LAMA1: variants seen among roughly 807,000 people sequenced by gnomAD.
The protein encoded by LAMA1 is laminin subunit alpha 1.
Under a neutral mutation model 348.7 loss-of-function variants are expected in LAMA1, and 219 were observed. The observed-to-expected ratio is 0.63, with a 90% confidence interval of 0.56 to 0.70. LAMA1 has a LOEUF of 0.70. LAMA1 is among the 30% of genes least tolerant of loss of function. The probability of loss-of-function intolerance (pLI) is 0.00; values close to 1 mark genes in which losing one functional copy is unlikely to be tolerated. For missense variants in LAMA1, 3,744 were observed against 3,888.0 expected, an observed-to-expected ratio of 0.96 and a Z score of 0.99; for synonymous variants, 1,487 against 1,491.0, an observed-to-expected ratio of 1.00 and a Z score of 0.06.
chr18:6,966,212 T>C lies in LAMA1; in HGVS notation c.6985A>G (p.Ile2329Val). The C allele has an allele frequency of 6.2e-7, 1 of 1,614,020 alleles. No individual in the cohort carries two copies. Among genetic ancestry groups the C allele is most frequent in the Non-Finnish European group, 8.5e-7 (1 of 1,179,986 alleles). ...GAAAAGGTATTAAAAAGCATGATTA[T>C]CTGGGTCACGGTAGCCGGAAGTGAC... ...EKSLPATVTQ[I>V]IMLFNTFSPN... Residue 2329 changes from isoleucine (I) to valine (V), a missense_variant, in exon 49 of 63, where the codon ATA (isoleucine) becomes GTA (valine). Physicochemically the swap from Ile to Val is conservative, Grantham distance 29 (BLOSUM62 3). This residue lies in a region of LAMA1 where 1,983 missense variants were observed against 1,934.3 expected (regional missense o/e 1.03). Coordinates refer to ENST00000389658, the MANE Select transcript of LAMA1 (RefSeq NM_005559.4).
chr18:6,952,629 G>A (rs1027153522), intron 57 of LAMA1, among the ~76,000 whole-genome samples: 3 of 152,364 alleles, frequency 2.0e-5, no homozygotes. Context: ...TAAATGGGAA[G>A]TTCTGGAAAT....
intron 1 of LAMA1, among the ~76,000 whole-genome samples, chr18:7,093,999 TCTC>T (rs1341274249): frequency 6.3e-4 from 96 of 151,994 alleles, no homozygotes; most frequent in African/African-American, 2.3e-3. Flanking sequence ...CTTGTCTCAA[TCTC>T]CTAAGCTCAG....
chr18:7,106,862 A>G (rs2058313909), intron 1 of LAMA1, among the ~76,000 whole-genome samples: 2 of 152,008 alleles, frequency 1.3e-5, no homozygotes, highest in African/African-American at 4.8e-5. Flanking sequence ...TCTCCATGGA[A>G]GAAAGGAAGC....
At chr18:7,086,120 A>AG (rs757190668) in intron 1 of LAMA1, among the ~76,000 whole-genome samples, 65 of 152,318 alleles carry the variant, frequency 4.3e-4, no homozygotes, top group Non-Finnish European at 6.9e-4. Flanking sequence ...AGCACCTCTT[A>AG]GGTGTGCAGC....
At chr18:7,116,247 A>G (rs113642204) in intron 1 of LAMA1, among the ~76,000 whole-genome samples, 4 of 152,314 alleles carry the variant, frequency 2.6e-5, no homozygotes, top group African/African-American at 9.6e-5. Context: ...TCGGGGAACA[A>G]TAAGCTGAGG....
chr18:7,046,062 T>TA (rs1181469701), intron 6 of LAMA1, among the ~76,000 whole-genome samples: 1 of 151,966 alleles, frequency 6.6e-6, no homozygotes, highest in Non-Finnish European at 1.5e-5. Context: ...TTTTATCACA[T>TA]AAAAAAATCA....
chr18:6,952,171 G>A (rs1044926380), intron 57 of LAMA1, among the ~76,000 whole-genome samples: 1 of 152,210 alleles, frequency 6.6e-6, no homozygotes, highest in African/African-American at 2.4e-5. Flanking sequence ...GAAGGGCCCA[G>A]CACTCTCAGC....
intron 34 of LAMA1, 40 bp downstream of exon 34, chr18:6,995,317 G>T: frequency 7.2e-7 from 1 of 1,380,652 alleles, no homozygotes; most frequent in Non-Finnish European, 1.0e-6. Flanking sequence ...CTGATGGGAG[G>T]GACCAGGAGG....
In LAMA1 at chr18:6,975,982, T is replaced by C. The variant is rs370004150; in HGVS notation, c.6444A>G (p.Thr2148=). 6 of 1,614,196 alleles carry C rather than the reference T, an allele frequency of 3.7e-6. No individual in the cohort carries two copies. In the East Asian group the frequency reaches 1.3e-4, roughly 36 times the overall value. ...NYNTLTLNVK[T]QEPDNLLFYL... The stretch of plus-strand genomic sequence containing the variant: ...AGAAGAGAAGATTATCGGGTTCCTG[T>C]GTCTTAACATTTAGTGTTAAGGTAT... The change falls in exon 45 of 63, where the codon ACA becomes ACG. Residue 2148 remains threonine, a synonymous_variant. Coordinates refer to ENST00000389658, the MANE Select transcript of LAMA1 (RefSeq NM_005559.4).
rs375358860 is a variant in LAMA1, at chr18:6,982,554, C to G, written c.5833G>C (p.Val1945Leu). The G allele has an allele frequency of 5.6e-6, 9 of 1,614,022 alleles. No individual in the cohort carries two copies. In the Admixed American group the frequency reaches 1.0e-4, roughly 18 times the overall value. The change falls in exon 41 of 63, where the codon GTG becomes CTG. Residue 1945 changes from valine to leucine, a missense_variant. This residue lies in a region of LAMA1 where 1,983 missense variants were observed against 1,934.3 expected (regional missense o/e 1.03). Coordinates refer to ENST00000389658, the MANE Select transcript of LAMA1 (RefSeq NM_005559.4). ...ESLVSNGKAAVQRSSRFLKEG... is the reference protein window; with the variant it reads ...ESLVSNGKAALQRSSRFLKEG... ...TTTAGAAATCTGGAGCTGCGCTGCA[C>G]GGCCGCTTTCCCGTTAGAAACAAGG...
intron 3 of LAMA1, among the ~76,000 whole-genome samples, chr18:7,053,807 G>T (rs1227005436): frequency 2.1e-5 from 3 of 143,138 alleles, no homozygotes; most frequent in African/African-American, 8.6e-5. Context: ...TTGAGACAAG[G>T]TCTCACTCTG....
At position 6,956,715 on chromosome 18, in the gene LAMA1, G is replaced by A. The variant is rs377109532; in HGVS notation, c.8015C>T (p.Thr2672Ile). 4.0e-5 allele frequency: 65 copies of A among 1,614,080 alleles called. No individual in the cohort carries two copies. The highest frequency in any genetic ancestry group is 4.8e-5 in the Non-Finnish European group (57 of 1,180,048). Residue 2672 changes from threonine to isoleucine, a missense_variant, in exon 56 of 63, where the codon ACC becomes ATC. Coordinates refer to ENST00000389658, the MANE Select transcript of LAMA1 (RefSeq NM_005559.4). ...AVGHEQVDLDTCWLSERPKLA... is the reference protein window; with the variant it reads ...AVGHEQVDLDICWLSERPKLA... ...CTTAGGCCTTTCTGACAGCCAGCAG[G>A]TGTCCAGGTCGACTTGCTCATGGCC...
At chr18:6,977,231 G>A (rs1172819345) in intron 44 of LAMA1, among the ~76,000 whole-genome samples, 1 of 152,210 alleles carries the variant, frequency 6.6e-6, no homozygotes, top group Non-Finnish European at 1.5e-5. Context: ...CAGGCATTTA[G>A]TGACCTGGAT....
intron 3 of LAMA1, among the ~76,000 whole-genome samples, chr18:7,068,846 G>A (rs2058134159): frequency 6.7e-6 from 1 of 150,338 alleles, no homozygotes; most frequent in African/African-American, 2.4e-5. Flanking sequence ...ATTTTTCAAA[G>A]AAATATCTCT....
chr18:7,008,002 G>A (rs1270673224), intron 28 of LAMA1, among the ~76,000 whole-genome samples: 2 of 151,794 alleles, frequency 1.3e-5, no homozygotes, highest in East Asian at 1.9e-4. Context: ...GCACGATCTC[G>A]GCTCACTGCA....
chr18:7,023,135 C>T, intron 19 of LAMA1, 29 bp downstream of exon 19: 1 of 1,600,176 alleles, frequency 6.2e-7, no homozygotes, highest in African/African-American at 1.3e-5. Context: ...CAATAAACAG[C>T]TGACCTGACT....
intron 60 of LAMA1, among the ~76,000 whole-genome samples, chr18:6,947,705 A>G (rs1419815948): frequency 6.6e-6 from 1 of 152,142 alleles, no homozygotes; most frequent in Non-Finnish European, 1.5e-5. Flanking sequence ...GGGAATCATC[A>G]TTTACTGAGT....
intron 54 of LAMA1, 39 bp from the exon 55 acceptor site, chr18:6,958,701 A>G: frequency 1.3e-6 from 2 of 1,519,068 alleles, no homozygotes; most frequent in African/African-American, 1.4e-5. Context: ...AAAGCTTTAA[A>G]CATAATGAAA....
chr18:7,099,732 T>C (rs1021551795), intron 1 of LAMA1, among the ~76,000 whole-genome samples: 5 of 151,650 alleles, frequency 3.3e-5, no homozygotes, highest in African/African-American at 9.7e-5. Context: ...AAAAAACCTA[T>C]GGCACTACAA....
Sources: gnomAD v4.1 joint callset for allele counts (sites outside exome capture counted in the v4.1 genomes callset) on GRCh38, gnomAD v4.1.1 for gene constraint, gnomAD v4.1.1 regional missense constraint, MANE v1.5 for transcripts, NCBI Gene and HGNC (gene_info 2026-07-23, HGNC 2026-07-21) for gene names.